PRKAG2: variants seen among roughly 807,000 people sequenced by gnomAD.
PRKAG2 encodes the protein protein kinase AMP-activated non-catalytic subunit gamma 2.
A neutral mutation model predicts 69.6 loss-of-function variants in PRKAG2; 26 were observed. The observed-to-expected ratio is 0.37, with a 90% CI of 0.27 to 0.52. The LOEUF is 0.52. PRKAG2 is among the 20% of genes least tolerant of loss of function. The probability of loss-of-function intolerance (pLI) is 0.90; values close to 1 mark genes in which losing one functional copy is unlikely to be tolerated. For missense variants in PRKAG2, 557 were observed against 740.0 expected (o/e 0.75, Z 2.87); for synonymous variants, 293 against 285.0 (o/e 1.03, Z -0.28).
intron 5 of PRKAG2, among the ~76,000 whole-genome samples, chr7:151,609,877 C>T (rs1435473557): frequency 6.6e-6 from 1 of 152,208 alleles, no homozygotes; most frequent in East Asian, 1.9e-4. Flanking sequence ...GTTCCGTGCC[C>T]ACCATTTGGG....
intron 6 of PRKAG2, among the ~76,000 whole-genome samples, chr7:151,584,733 C>CA (rs760687744): frequency 6.6e-6 from 1 of 152,028 alleles, no homozygotes; most frequent in Non-Finnish European, 1.5e-5. Context: ...CCTGCCTCTA[C>CA]AAAAAATAAA....
chr7:151,792,195 A>C (rs2151825644), intron 1 of PRKAG2, among the ~76,000 whole-genome samples: 1 of 152,362 alleles, frequency 6.6e-6, no homozygotes, highest in Non-Finnish European at 1.5e-5. Flanking sequence ...AAGGAAGGAT[A>C]CATAAGGATT....
chr7:151,557,281 G>T, intron 15 of PRKAG2, 49 bp from the exon 16 acceptor site: 1 of 1,613,790 alleles, frequency 6.2e-7, no homozygotes, highest in Non-Finnish European at 8.5e-7. Flanking sequence ...GTAACAGCAG[G>T]GTTCTCTACC....
rs10265987 is a variant in PRKAG2, at chr7:151,657,618, T to C, written c.684+17802A>G. Among the ~76,000 whole-genome samples, 753 of 152,320 alleles carry C rather than the reference T, an allele frequency of 4.9e-3. 3 individuals are homozygous for C. The highest frequency in any genetic ancestry group is 0.017 in the African/African-American group (718 of 41,576). ...TTAACTTGCAAAATAGAGATAATAA[T>C]ATCTTCTTTGCAGGACTGTTGTGAG... On this transcript the variant is annotated intron_variant, in intron 4 of 15. Transcript: ENST00000287878.
chr7:151,610,650 C>T (rs1043654705), intron 5 of PRKAG2, among the ~76,000 whole-genome samples: 1 of 151,542 alleles, frequency 6.6e-6, no homozygotes, highest in Non-Finnish European at 1.5e-5. Flanking sequence ...GCACTCCAGC[C>T]TGGGGGACAG....
At chr7:151,691,133 G>A (rs1835595431) in intron 3 of PRKAG2, among the ~76,000 whole-genome samples, 1 of 152,142 alleles carries the variant, frequency 6.6e-6, no homozygotes, top group Non-Finnish European at 1.5e-5. Flanking sequence ...AGTCTAGGAT[G>A]TGCAAGTCCC....
intron 5 of PRKAG2, among the ~76,000 whole-genome samples, chr7:151,624,378 T>C (rs1030436962): frequency 6.6e-6 from 1 of 152,002 alleles, no homozygotes; most frequent in Non-Finnish European, 1.5e-5. Flanking sequence ...CTCGAACTCC[T>C]GGACTCAAAT....
chr7:151,838,358 G>A (rs547243122), intron 1 of PRKAG2, among the ~76,000 whole-genome samples: 1 of 151,838 alleles, frequency 6.6e-6, no homozygotes, highest in Admixed American at 6.6e-5. Context: ...CAGCACCCTC[G>A]TCTCCAGCAG....
chr7:151,861,528 CA>C (rs11406004), intron 1 of PRKAG2, among the ~76,000 whole-genome samples: 57 of 96,586 alleles, frequency 5.9e-4, no homozygotes, highest in South Asian at 3.9e-3. Flanking sequence ...ACTCTGTCTC[CA>C]AAAAAAAAAA....
intron 3 of PRKAG2, among the ~76,000 whole-genome samples, chr7:151,773,237 GGAAA>G (rs1269366304): frequency 6.8e-6 from 1 of 147,712 alleles, no homozygotes; most frequent in Non-Finnish European, 1.5e-5. Flanking sequence ...AGAAAGGAAA[GGAAA>G]GAAAGAAGGA....
In PRKAG2 at chr7:151,632,046, G is replaced by C; in HGVS notation, c.754+23C>G. 2.2e-6 allele frequency: 3 copies of C among 1,348,674 alleles called. No homozygotes were observed. The highest frequency in any genetic ancestry group is 2.9e-6 in the Non-Finnish European group (3 of 1,037,648). 83.5% of individuals were successfully genotyped at this position (1,348,674 alleles called of 1,614,324 possible). ...GGCCGGGCCGTGGGAGCGCCGGGCC[G>C]GCAGCGGGCGGGGCGCACTCACCTT... On this transcript the variant is annotated intron_variant, in intron 5 of 15. Coordinates refer to ENST00000287878, the MANE Select transcript of PRKAG2 (RefSeq NM_016203.4). The surrounding 1 kb of genome is among the most constrained non-coding windows in gnomAD (Gnocchi z 4.2).
At chr7:151,861,742 A>G (rs1452593154) in intron 1 of PRKAG2, among the ~76,000 whole-genome samples, 1 of 151,856 alleles carries the variant, frequency 6.6e-6, no homozygotes, top group Non-Finnish European at 1.5e-5. Flanking sequence ...TGCTCCCCCA[A>G]GTCCTGTGAG....
chr7:151,683,175 G>A (rs903851684), intron 3 of PRKAG2, among the ~76,000 whole-genome samples: 1 of 152,244 alleles, frequency 6.6e-6, no homozygotes, highest in African/African-American at 2.4e-5. Context: ...ACCACGAAAG[G>A]GGGTCCAGAC....
At chr7:151,863,376 G>A (rs1010424386) in intron 1 of PRKAG2, among the ~76,000 whole-genome samples, 2 of 152,080 alleles carry the variant, frequency 1.3e-5, no homozygotes, top group Non-Finnish European at 2.9e-5. Flanking sequence ...GGGACAGTGT[G>A]GGAGCCCTTT....
intron 5 of PRKAG2, among the ~76,000 whole-genome samples, chr7:151,608,071 A>G (rs1464083523): frequency 1.3e-5 from 2 of 152,118 alleles, no homozygotes; most frequent in Non-Finnish European, 2.9e-5. Flanking sequence ...GGCCACGTGA[A>G]GACAGGTGGA....
chr7:151,794,189 G>A (rs552751832), intron 1 of PRKAG2, among the ~76,000 whole-genome samples: 1 of 152,226 alleles, frequency 6.6e-6, no homozygotes, highest in African/African-American at 2.4e-5. Context: ...GAAGTCCCCT[G>A]CTCCACCGTA....
chr7:151,734,021 A>T (rs1480171736), intron 3 of PRKAG2, among the ~76,000 whole-genome samples: 1 of 151,942 alleles, frequency 6.6e-6, no homozygotes, highest in African/African-American at 2.4e-5. Flanking sequence ...TGATCCCCCA[A>T]CCTTAGCCTC....
chr7:151,736,277 G>T (rs1205312597), intron 3 of PRKAG2: 36 of 1,283,244 alleles, frequency 2.8e-5, no homozygotes, highest in Non-Finnish European at 3.6e-5. Flanking sequence ...TGGAGCGTCA[G>T]CCCGGCTGTC....
At chr7:151,824,352 G>A (rs1380127983) in intron 1 of PRKAG2, among the ~76,000 whole-genome samples, 1 of 152,176 alleles carries the variant, frequency 6.6e-6, no homozygotes, top group Non-Finnish European at 1.5e-5. Flanking sequence ...ATTCTAAGAA[G>A]ATACAGAAGT....
Sources: allele counts gnomAD v4.1 joint callset (sites outside exome capture counted in the v4.1 genomes callset), GRCh38; gene constraint gnomAD v4.1.1; non-coding constraint Gnocchi (gnomAD v3.1); transcripts MANE v1.5; gene names NCBI Gene and HGNC (gene_info 2026-07-23, HGNC 2026-07-21).